The following DCC variants were observed in gnomAD, a reference collection of about 807,000 sequenced individuals.
DCC encodes netrin receptor DCC.
In DCC, 58 loss-of-function variants were observed where a neutral mutation model predicts 172.5. That is an observed-to-expected ratio of 0.34 (90% CI 0.27 to 0.42). The LOEUF (loss-of-function observed/expected upper bound fraction) is 0.42. Among genes scored for constraint, DCC ranks in the 10% least tolerant of loss-of-function variants. The pLI is 1.00. For missense variants in DCC, 1,740 were observed against 1,791.0 expected (o/e 0.97, Z 0.51); for synonymous variants, 709 against 644.5 (o/e 1.10, Z -1.52).
At chr18:53,464,249 T>C (rs2045592266) in intron 24 of DCC, among the ~76,000 whole-genome samples, 1 of 152,220 alleles carries the variant, frequency 6.6e-6, no homozygotes, top group Non-Finnish European at 1.5e-5. Flanking sequence ...ACCACAGGAT[T>C]ATGTTACTTA....
rs141161236 is a variant in DCC, at chr18:53,396,374, C to T, written c.2689-934C>T. Among the ~76,000 whole-genome samples, 162 of 152,126 alleles carry T rather than the reference C, an allele frequency of 1.1e-3. No homozygotes were observed. In the East Asian group the frequency reaches 0.03, roughly 28 times the overall value. On this transcript the variant is annotated intron_variant, in intron 17 of 28. Transcript: ENST00000442544. ...TGCATCATGTTTTTTCTTTATTACC[C>T]GTTTTGGTATTTTGAGTAAGCAATA... is the stretch of plus-strand genomic sequence containing the variant.
At chr18:53,286,755 G>C (rs538007581) in intron 12 of DCC, among the ~76,000 whole-genome samples, 1 of 152,254 alleles carries the variant, frequency 6.6e-6, no homozygotes, top group South Asian at 2.1e-4. Context: ...CATGATGAAG[G>C]AAAACAACAG....
At chr18:52,483,610 C>T (rs894612956) in intron 1 of DCC, among the ~76,000 whole-genome samples, 2 of 152,012 alleles carry the variant, frequency 1.3e-5, no homozygotes, top group African/African-American at 4.8e-5. Context: ...ATTTTCATGT[C>T]AGACCCTTTT....
intron 28 of DCC, among the ~76,000 whole-genome samples, chr18:53,528,831 TTCATGTAAAAC>T (rs1407457320): frequency 6.6e-6 from 1 of 152,130 alleles, no homozygotes; most frequent in Non-Finnish European, 1.5e-5. Flanking sequence ...TACGTATTTT[TTCATGTAAAAC>T]ACATTTCAGG....
chr18:52,373,483 T>A (rs1446755071), intron 1 of DCC, among the ~76,000 whole-genome samples: 1 of 152,188 alleles, frequency 6.6e-6, no homozygotes, highest in Non-Finnish European at 1.5e-5. Context: ...GTGGAATAAT[T>A]TTGCTGTATA....
chr18:52,962,827 C>A (rs1241093933), intron 5 of DCC, among the ~76,000 whole-genome samples: 2 of 151,630 alleles, frequency 1.3e-5, no homozygotes, highest in African/African-American at 2.4e-5. Context: ...AAATTGGAAA[C>A]CATCATTTTC....
chr18:52,617,970 T>A (rs1344023776), intron 1 of DCC, among the ~76,000 whole-genome samples: 1 of 152,102 alleles, frequency 6.6e-6, no homozygotes, highest in Non-Finnish European at 1.5e-5. Flanking sequence ...AAACCTAATA[T>A]GAGAAATATA....
At chr18:52,914,731 G>A (rs1222866474) in intron 3 of DCC, among the ~76,000 whole-genome samples, 1 of 152,222 alleles carries the variant, frequency 6.6e-6, no homozygotes, top group Non-Finnish European at 1.5e-5. Context: ...AAGGCTCACG[G>A]TACCTGCTGA....
chr18:53,220,640 A>G (rs1325832950), intron 12 of DCC, among the ~76,000 whole-genome samples: 1 of 152,220 alleles, frequency 6.6e-6, no homozygotes, highest in Non-Finnish European at 1.5e-5. Context: ...CAATTTAAAT[A>G]CAACAATGTT....
intron 15 of DCC, among the ~76,000 whole-genome samples, chr18:53,350,936 G>T (rs2057784349): frequency 6.6e-6 from 1 of 151,842 alleles, no homozygotes; most frequent in Non-Finnish European, 1.5e-5. Flanking sequence ...AGTACTACTT[G>T]CTCAGAGAGA....
At chr18:52,864,609 T>C (rs1298145276) in intron 2 of DCC, among the ~76,000 whole-genome samples, 1 of 152,058 alleles carries the variant, frequency 6.6e-6, no homozygotes, top group Non-Finnish European at 1.5e-5. Flanking sequence ...ATAGGTGCCA[T>C]GGTGGTTTGC....
intron 8 of DCC, among the ~76,000 whole-genome samples, chr18:53,178,633 A>C (rs1598879875): frequency 6.6e-6 from 1 of 152,268 alleles, no homozygotes; most frequent in South Asian, 2.1e-4. Flanking sequence ...TACATTCCAG[A>C]TGTTTCTCCT....
intron 19 of DCC, among the ~76,000 whole-genome samples, chr18:53,407,646 C>T (rs993180061): frequency 1.7e-4 from 25 of 148,188 alleles, no homozygotes; most frequent in African/African-American, 5.7e-4. Context: ...ATATCTATAA[C>T]ATATTTATCT....
intron 2 of DCC, among the ~76,000 whole-genome samples, chr18:52,857,111 G>A (rs1568149171): frequency 6.6e-6 from 1 of 151,556 alleles, no homozygotes; most frequent in African/African-American, 2.4e-5. Context: ...TTCCATTTTG[G>A]AAAAAAAATG....
intron 2 of DCC, among the ~76,000 whole-genome samples, chr18:52,846,350 C>T (rs901789721): frequency 2.0e-5 from 3 of 151,786 alleles, no homozygotes; most frequent in East Asian, 1.9e-4. Context: ...CAGACGAGCC[C>T]GGGCAACATG....
intron 11 of DCC, among the ~76,000 whole-genome samples, chr18:53,211,401 T>G (rs532438995): frequency 1.3e-5 from 2 of 152,300 alleles, no homozygotes; most frequent in East Asian, 3.9e-4. Context: ...CTATGATAAG[T>G]GCCTTTAAAG....
intron 21 of DCC, among the ~76,000 whole-genome samples, chr18:53,422,931 A>T (rs901415085): frequency 2.0e-5 from 3 of 152,160 alleles, no homozygotes; most frequent in Non-Finnish European, 4.4e-5. Flanking sequence ...TGGGTTTTTC[A>T]CAGGTTCAAT....
intron 5 of DCC, among the ~76,000 whole-genome samples, chr18:53,028,905 G>GA (rs2041991537): frequency 6.6e-6 from 1 of 152,120 alleles, no homozygotes; most frequent in Non-Finnish European, 1.5e-5. Context: ...TTGGAATGAA[G>GA]AAAATTACCT....
chr18:52,400,245 G>T (rs984206729), intron 1 of DCC, among the ~76,000 whole-genome samples: 3 of 151,930 alleles, frequency 2.0e-5, no homozygotes, highest in Non-Finnish European at 4.4e-5. Context: ...ATATGAAACT[G>T]CATTATGCTA....
Sources: allele counts gnomAD v4.1 joint callset (sites outside exome capture counted in the v4.1 genomes callset), GRCh38; gene constraint gnomAD v4.1.1; transcripts MANE v1.5; gene names NCBI Gene and HGNC (gene_info 2026-07-23, HGNC 2026-07-21).